The following CADM2 variants were observed in gnomAD, a reference collection of about 807,000 sequenced individuals.
CADM2 encodes immunoglobulin superfamily member 4D.
In CADM2, 12 loss-of-function variants were observed where a neutral mutation model predicts 49.8. That is an observed-to-expected ratio of 0.24 (90% CI 0.15 to 0.39). The LOEUF is 0.39. CADM2 is among the 10% of genes least tolerant of loss of function. The pLI, the probability that CADM2 is intolerant of heterozygous loss-of-function variation, is 1.00. For synonymous variants in CADM2, 214 were observed against 175.4 expected (o/e 1.22, Z -1.74); for missense variants, 378 against 492.3 (o/e 0.77, Z 2.20).
intron 1 of CADM2, among the ~76,000 whole-genome samples, chr3:85,269,230 C>T (rs1291801555): frequency 6.6e-6 from 1 of 151,266 alleles, no homozygotes; most frequent in Non-Finnish European, 1.5e-5. Flanking sequence ...TCACTCTAAA[C>T]CCCACGAAGG....
intron 7 of CADM2, among the ~76,000 whole-genome samples, chr3:85,936,332 A>T (rs920708165): frequency 1.3e-5 from 2 of 151,804 alleles, no homozygotes; most frequent in African/African-American, 4.8e-5. Flanking sequence ...CACAAACTCA[A>T]TGTGTTTAAT....
At chr3:85,806,167 C>CGAGG (rs796069387) in intron 3 of CADM2, among the ~76,000 whole-genome samples, 15 of 101,498 alleles carry the variant, frequency 1.5e-4, no homozygotes, top group East Asian at 3.2e-4. Context: ...AGAAAAGAAG[C>CGAGG]GAGGGAGGGA....
intron 8 of CADM2, among the ~76,000 whole-genome samples, chr3:86,002,965 A>G (rs1316916207): frequency 6.6e-6 from 1 of 152,142 alleles, no homozygotes; most frequent in Admixed American, 6.5e-5. Flanking sequence ...AATGCTATGT[A>G]TTATTTTCTG....
chr3:85,454,222 G>T (rs1237372937), intron 1 of CADM2, among the ~76,000 whole-genome samples: 1 of 152,038 alleles, frequency 6.6e-6, no homozygotes, highest in Non-Finnish European at 1.5e-5. Context: ...AGGTGTGGTG[G>T]CAGGAGGCTG....
At chr3:85,172,975 C>G (rs903948635) in intron 1 of CADM2, among the ~76,000 whole-genome samples, 4 of 144,838 alleles carry the variant, frequency 2.8e-5, no homozygotes, top group Non-Finnish European at 4.5e-5. Flanking sequence ...ATATGTTTCC[C>G]AATTTCTGAA....
chr3:84,980,302 A>G (rs1174435238), intron 1 of CADM2, among the ~76,000 whole-genome samples: 1 of 152,140 alleles, frequency 6.6e-6, no homozygotes, highest in Admixed American at 6.6e-5. Context: ...TGTGGATTTT[A>G]CAATTGCCAT....
rs201089020 is a variant in CADM2, at chr3:85,288,300, A to C, written c.61+328632A>C. On this transcript the variant is annotated intron_variant, in intron 1 of 9. Transcript: ENST00000383699. Reference sequence around the variant, plus strand: ...TATATGGAATTATGAGTAGAAGTATAAAATCTTGCTTTGTAGGACAATCTG... The same window carrying C: ...TATATGGAATTATGAGTAGAAGTATCAAATCTTGCTTTGTAGGACAATCTG... Among the ~76,000 whole-genome samples, 4 of 152,078 alleles carry C rather than the reference A, an allele frequency of 2.6e-5. No homozygotes were observed. In the East Asian group the frequency reaches 7.7e-4, roughly 29 times the overall value.
chr3:85,463,106 T>A (rs180671234), intron 1 of CADM2, among the ~76,000 whole-genome samples: 65 of 152,260 alleles, frequency 4.3e-4, no homozygotes, highest in South Asian at 1.2e-3. Flanking sequence ...CAAGTTTAAC[T>A]CTTATGATTT....
intron 1 of CADM2, among the ~76,000 whole-genome samples, chr3:85,047,642 TAACA>T (rs1324258438): frequency 1.3e-5 from 2 of 152,118 alleles, no homozygotes; most frequent in Non-Finnish European, 2.9e-5. Flanking sequence ...GTTTTATAAC[TAACA>T]TTTATTTTAT....
At chr3:85,863,954 T>C (rs911631895) in intron 3 of CADM2, among the ~76,000 whole-genome samples, 1 of 152,050 alleles carries the variant, frequency 6.6e-6, no homozygotes, top group Non-Finnish European at 1.5e-5. Flanking sequence ...GGTCAGCAAG[T>C]AGCATGTGTG....
At chr3:85,301,907 T>C (rs1305775770) in intron 1 of CADM2, among the ~76,000 whole-genome samples, 2 of 152,016 alleles carry the variant, frequency 1.3e-5, no homozygotes, top group Non-Finnish European at 2.9e-5. Flanking sequence ...TTTTAAAAGG[T>C]TATATGTAGT....
chr3:85,512,170 T>G (rs1444048481), intron 1 of CADM2, among the ~76,000 whole-genome samples: 1 of 152,004 alleles, frequency 6.6e-6, no homozygotes, highest in Non-Finnish European at 1.5e-5. Flanking sequence ...CTCTCCCTAC[T>G]CTGGTAGTCC....
chr3:85,689,799 G>A (rs527326564), intron 1 of CADM2, among the ~76,000 whole-genome samples: 23 of 152,302 alleles, frequency 1.5e-4, no homozygotes, highest in African/African-American at 5.1e-4. Context: ...ACTTAAAGCA[G>A]TGCCTGTGGA....
intron 4 of CADM2, among the ~76,000 whole-genome samples, chr3:85,885,829 G>A (rs1301974606): frequency 7.6e-6 from 1 of 132,332 alleles, no homozygotes; most frequent in East Asian, 2.2e-4. Flanking sequence ...TCCATCCTGG[G>A]CGACAGAGCA....
At chr3:84,984,044 TATATAC>T (rs2032378125) in intron 1 of CADM2, among the ~76,000 whole-genome samples, 1 of 100,198 alleles carries the variant, frequency 1.0e-5, no homozygotes, top group South Asian at 2.9e-4. Flanking sequence ...TATATATATA[TATATAC>T]ACACACACAC....
chr3:85,990,603 A>G (rs1728663932), intron 8 of CADM2, among the ~76,000 whole-genome samples: 1 of 152,148 alleles, frequency 6.6e-6, no homozygotes, highest in Non-Finnish European at 1.5e-5. Context: ...AAAATTAAAT[A>G]TGTTTATGCA....
At chr3:85,115,892 C>G (rs2038620764) in intron 1 of CADM2, among the ~76,000 whole-genome samples, 1 of 152,140 alleles carries the variant, frequency 6.6e-6, no homozygotes, top group Admixed American at 6.5e-5. Context: ...CTCTTGTACG[C>G]ATCTTTGAAG....
intron 8 of CADM2, among the ~76,000 whole-genome samples, chr3:86,044,046 A>T (rs1736315105): frequency 6.6e-6 from 1 of 152,218 alleles, no homozygotes; most frequent in Admixed American, 6.5e-5. Context: ...CTTACACCTT[A>T]TACAAAAATA....
intron 1 of CADM2, among the ~76,000 whole-genome samples, chr3:85,105,818 A>C (rs2038200175): frequency 6.6e-6 from 1 of 152,136 alleles, no homozygotes; most frequent in Non-Finnish European, 1.5e-5. Flanking sequence ...ATTGGAAATC[A>C]TCATTCTCAG....
Sources: allele counts gnomAD v4.1 joint callset (sites outside exome capture counted in the v4.1 genomes callset), GRCh38; gene constraint gnomAD v4.1.1; transcripts MANE v1.5; gene names NCBI Gene and HGNC (gene_info 2026-07-23, HGNC 2026-07-21).